The following RAB33A variants were observed in gnomAD, a reference collection of about 807,000 sequenced individuals.
The protein encoded by RAB33A is ras-related protein Rab-33A.
In RAB33A, 6 loss-of-function variants were observed where a neutral mutation model predicts 12.0. That is an observed-to-expected ratio of 0.50 (90% CI 0.27 to 0.99). The LOEUF (loss-of-function observed/expected upper bound fraction) is 0.99, where lower values mean the gene tolerates loss of function less well. Among genes scored for constraint, RAB33A ranks in the 50% least tolerant of loss-of-function variants. The pLI is 0.11. For missense variants in RAB33A, 109 were observed against 192.0 expected (o/e 0.57, Z 2.55); for synonymous variants, 70 against 82.4 (o/e 0.85, Z 0.81).
At chrX:130,153,949 C>G in the RAB33A span, among the ~76,000 whole-genome samples, 1 of 112,345 alleles carries the variant, frequency 8.9e-6, no homozygotes, top group Non-Finnish European at 1.9e-5. Flanking sequence ...AGCTATATCT[C>G]ATCAAATCTG....
chrX:130,119,933 A>G, the RAB33A span, among the ~76,000 whole-genome samples: 7 of 112,041 alleles, frequency 6.2e-5, no homozygotes, highest in East Asian at 2.0e-3. Flanking sequence ...TTTATATGTC[A>G]AGTTGTATCA....
the RAB33A span, among the ~76,000 whole-genome samples, chrX:130,134,187 A>C: frequency 9.1e-6 from 1 of 109,409 alleles, no homozygotes; most frequent in African/African-American, 3.3e-5. Context: ...CAGTGAGCTG[A>C]GATCGTGCCA....
chrX:130,166,082 G>A, the RAB33A span, among the ~76,000 whole-genome samples: 4 of 111,896 alleles, frequency 3.6e-5, no homozygotes, highest in African/African-American at 1.3e-4. Context: ...CCGCTGTGTT[G>A]GTGACGAGAA....
chrX:130,130,303 C>T, the RAB33A span: 1 of 707,833 alleles, frequency 1.4e-6, no homozygotes, highest in Admixed American at 2.7e-5. Flanking sequence ...TTTCTCTATG[C>T]CCCCTCAGTA....
At chrX:130,126,247 T>C in the RAB33A span, among the ~76,000 whole-genome samples, 1 of 111,653 alleles carries the variant, frequency 9.0e-6, no homozygotes, top group Non-Finnish European at 1.9e-5. Context: ...TCTCAGCACT[T>C]TGGGAGGCCG....
At chrX:130,123,123 T>C in the RAB33A span, among the ~76,000 whole-genome samples, 53,170 of 109,602 alleles carry the variant, frequency 0.49, 9,975 homozygotes, top group African/African-American at 0.67. Context: ...AACTGAGAGA[T>C]GGAGAGATGA....
rs931579170 is a variant in RAB33A, at chrX:130,173,245, G to A, written c.258+925G>A. Among the ~76,000 whole-genome samples, 24 of 111,948 alleles carry A rather than the reference G, an allele frequency of 2.1e-4. No homozygotes were observed. In the Admixed American group the frequency reaches 2.3e-3, roughly 11 times the overall value. ...AATGTGCAGGGGATGGCGGGAGGGA[G>A]GACATAACAAGGGCAACTTCTTGTG... On this transcript the variant is annotated intron_variant, in intron 1 of 1. Transcript: ENST00000257017.
At chrX:130,166,763 C>A in the RAB33A span, among the ~76,000 whole-genome samples, 1 of 111,993 alleles carries the variant, frequency 8.9e-6, no homozygotes, top group Non-Finnish European at 1.9e-5. Context: ...GTTCGACTTA[C>A]AATTTTTCGA....
chrX:130,167,849 CT>C (rs759948930), upstream of RAB33A, among the ~76,000 whole-genome samples: 446 of 97,308 alleles, frequency 4.6e-3, 5 homozygotes, highest in Middle Eastern at 5.5e-3. Flanking sequence ...AATGAAGTTA[CT>C]TTTTTTTTTT....
At chrX:130,127,311 A>G in the RAB33A span, among the ~76,000 whole-genome samples, 2 of 111,390 alleles carry the variant, frequency 1.8e-5, no homozygotes, top group African/African-American at 6.5e-5. Flanking sequence ...CTGTGGACGT[A>G]GCTCATTGTA....
chrX:130,149,345 T>C, the RAB33A span: 1 of 597,931 alleles, frequency 1.7e-6, no homozygotes, highest in Non-Finnish European at 2.9e-6. Context: ...CCATACTTTC[T>C]AGATGCTTGC....
Position 130,172,152 on chromosome X carries a change from G to A in RAB33A, c.90G>A (p.Gln30=). The part of the protein sequence containing the change: ...ASLELDSSLD[Q]YVQIRIFKII... ...TGGAGCTCGACTCGTCGCTGGACCA[G>A]TACGTGCAGATTCGCATCTTCAAAA... The change falls in exon 1 of 2, where the codon CAG becomes CAA. Residue 30 remains glutamine, a synonymous_variant. Coordinates refer to ENST00000257017, the MANE Select transcript of RAB33A (RefSeq NM_004794.3). 1 of 1,212,327 alleles carries A rather than the reference G, an allele frequency of 8.2e-7. No individual in the cohort carries two copies. The highest frequency in any genetic ancestry group is 1.1e-6 in the Non-Finnish European group (1 of 895,599).
At chrX:130,145,164 G>A in the RAB33A span, among the ~76,000 whole-genome samples, 40 of 112,203 alleles carry the variant, frequency 3.6e-4, 1 homozygote, top group South Asian at 0.014. Context: ...ATACATATTT[G>A]TCAATCTTTT....
At chrX:130,118,536 G>A in the RAB33A span, among the ~76,000 whole-genome samples, 2 of 112,868 alleles carry the variant, frequency 1.8e-5, no homozygotes, top group African/African-American at 6.4e-5. Context: ...TCGGGGTTGA[G>A]GGTTGTTGTT....
chrX:130,147,906 C>T, the RAB33A span: 3 of 1,208,588 alleles, frequency 2.5e-6, no homozygotes, highest in African/African-American at 3.5e-5. Context: ...CTGGATGAAT[C>T]TTCTTGAAGT....
chrX:130,172,040 G>C lies in RAB33A; in HGVS notation c.-23G>C. On this transcript the variant is annotated 5_prime_UTR_variant, in exon 1 of 2. Coordinates refer to ENST00000257017, the MANE Select transcript of RAB33A (RefSeq NM_004794.3). The stretch of plus-strand genomic sequence containing the variant: ...GTGTGGAGCCCTCAAGGGGGGTTGG[G>C]GCCCCGGTTCGGTCCGGGGGAGATG... 1 of 1,190,484 alleles carries C rather than the reference G, an allele frequency of 8.4e-7. No individual in the cohort carries two copies. Among genetic ancestry groups the C allele is most frequent in the Non-Finnish European group, 1.1e-6 (1 of 886,257 alleles).
At chrX:130,135,451 A>AC in the RAB33A span, among the ~76,000 whole-genome samples, 6 of 107,315 alleles carry the variant, frequency 5.6e-5, no homozygotes, top group African/African-American at 2.0e-4. Flanking sequence ...AAAAAAAAAA[A>AC]AAAAACAAGG....
chrX:130,112,389 A>ATGGACAGACACGTCTGCACACGCG, the RAB33A span, among the ~76,000 whole-genome samples: 1 of 111,352 alleles, frequency 9.0e-6, no homozygotes, highest in Non-Finnish European at 1.9e-5. Flanking sequence ...AAATTCACGA[A>ATGGACAGACACGTCTGCACACGCG]TGGACAGACA....
chrX:130,175,958 G>A (rs904038417), intron 1 of RAB33A, among the ~76,000 whole-genome samples: 1 of 111,787 alleles, frequency 8.9e-6, no homozygotes, highest in African/African-American at 3.3e-5. Context: ...GCCAGGCCTA[G>A]AACTCATGTC....
Sources: gnomAD v4.1 joint callset for allele counts (sites outside exome capture counted in the v4.1 genomes callset) on GRCh38, gnomAD v4.1.1 for gene constraint, MANE v1.5 for transcripts, NCBI Gene and HGNC (gene_info 2026-07-23, HGNC 2026-07-21) for gene names.